PLCL1: variants seen among roughly 807,000 people sequenced by gnomAD.
The protein encoded by PLCL1 is phospholipase C like 1 (inactive).
Under a neutral mutation model 84.4 loss-of-function variants are expected in PLCL1, and 41 were observed. The observed-to-expected ratio is 0.49, with a 90% CI of 0.38 to 0.63. The LOEUF is 0.63. Among genes scored for constraint, PLCL1 ranks in the 30% least tolerant of loss-of-function variants. The probability of loss-of-function intolerance (pLI) is 0.00; values close to 1 mark genes in which losing one functional copy is unlikely to be tolerated. For synonymous variants in PLCL1, 490 were observed against 488.3 expected (o/e 1.00, Z -0.05); for missense variants, 1,206 against 1,367.8 (o/e 0.88, Z 1.87).
intron 1 of PLCL1, among the ~76,000 whole-genome samples, chr2:197,806,860 A>G (rs1690496879): frequency 6.6e-6 from 1 of 152,236 alleles, no homozygotes; most frequent in Admixed American, 6.5e-5. Flanking sequence ...TGTAAAAAAC[A>G]AAAGTAATGG....
intron 1 of PLCL1, among the ~76,000 whole-genome samples, chr2:197,821,316 GA>G (rs1207506522): frequency 6.6e-6 from 1 of 152,126 alleles, no homozygotes; most frequent in Non-Finnish European, 1.5e-5. Flanking sequence ...ATGAACTTCT[GA>G]GCTTTTGAAG....
intron 1 of PLCL1, among the ~76,000 whole-genome samples, chr2:197,866,758 T>A (rs1235391561): frequency 6.6e-6 from 1 of 152,172 alleles, no homozygotes; most frequent in Non-Finnish European, 1.5e-5. Flanking sequence ...GCTGATTTAT[T>A]AGATGCTTTT....
intron 5 of PLCL1, among the ~76,000 whole-genome samples, chr2:198,110,551 A>C (rs1489541898): frequency 1.3e-5 from 2 of 151,956 alleles, no homozygotes; most frequent in Non-Finnish European, 2.9e-5. Flanking sequence ...GTTGAGAGAC[A>C]AAAGAAAGGA....
At position 198,126,177 on chromosome 2, in the gene PLCL1, C is replaced by A. The variant is rs553468969; in HGVS notation, c.3106-20603C>A. 1.1e-3 allele frequency among the ~76,000 whole-genome samples: 175 copies of A among 152,238 alleles called. 1 individual carries two copies. The highest frequency in any genetic ancestry group is 4.2e-3 in the African/African-American group (175 of 41,566). On this transcript the variant is annotated intron_variant, in intron 5 of 5. Transcript: ENST00000428675. ...CTTACTCCTTCTGCTCCTAACATGG[C>A]CATCCCTCTGCAGTTCTCCAAATAT...
intron 1 of PLCL1, among the ~76,000 whole-genome samples, chr2:197,983,078 A>G (rs1465965794): frequency 6.7e-6 from 1 of 150,366 alleles, no homozygotes; most frequent in Non-Finnish European, 1.5e-5. Context: ...CTTCCCCTTT[A>G]TCCCTGTGTT....
At chr2:197,972,881 C>T (rs1007873267) in intron 1 of PLCL1, among the ~76,000 whole-genome samples, 9 of 152,156 alleles carry the variant, frequency 5.9e-5, no homozygotes, top group African/African-American at 2.2e-4. Context: ...CCCCATTGTC[C>T]CTTCCAGTTC....
chr2:197,819,402 A>G (rs1690762286), intron 1 of PLCL1, among the ~76,000 whole-genome samples: 1 of 152,148 alleles, frequency 6.6e-6, no homozygotes. Flanking sequence ...GATAATGGAA[A>G]CAGAATGAAA....
chr2:198,059,023 C>A (rs181778622), intron 1 of PLCL1, among the ~76,000 whole-genome samples: 1 of 152,212 alleles, frequency 6.6e-6, no homozygotes, highest in East Asian at 1.9e-4. Flanking sequence ...GCCTATAACC[C>A]CCAACAGGAA....
intron 1 of PLCL1, 149 bp from the exon 2 acceptor site, chr2:198,083,609 T>C (rs1692776817): frequency 7.0e-6 from 4 of 573,692 alleles, no homozygotes; most frequent in Non-Finnish European, 5.8e-6. Flanking sequence ...AATTTCTCTT[T>C]TCTGAAACAG....
chr2:198,043,732 T>G (rs1480041413), intron 1 of PLCL1, among the ~76,000 whole-genome samples: 1 of 151,824 alleles, frequency 6.6e-6, no homozygotes, highest in African/African-American at 2.4e-5. Flanking sequence ...AGAGAACAGG[T>G]TTGGTTGGGG....
At chr2:197,893,749 A>G (rs934058258) in intron 1 of PLCL1, among the ~76,000 whole-genome samples, 2 of 149,472 alleles carry the variant, frequency 1.3e-5, no homozygotes, top group African/African-American at 4.8e-5. Context: ...GCTACTTACC[A>G]TAGTGTTTAT....
At chr2:198,095,117 A>G (rs1166732199) in intron 3 of PLCL1, among the ~76,000 whole-genome samples, 5 of 152,224 alleles carry the variant, frequency 3.3e-5, no homozygotes, top group Non-Finnish European at 7.4e-5. Context: ...GTGCCATTTC[A>G]GTGGCCCTCT....
chr2:197,808,824 C>T (rs1417774343), intron 1 of PLCL1, among the ~76,000 whole-genome samples: 1 of 152,134 alleles, frequency 6.6e-6, no homozygotes, highest in Non-Finnish European at 1.5e-5. Flanking sequence ...GTATGTGACA[C>T]ATTGACGGGT....
intron 1 of PLCL1, among the ~76,000 whole-genome samples, chr2:197,964,080 T>C (rs1254156033): frequency 1.3e-5 from 2 of 152,144 alleles, no homozygotes; most frequent in African/African-American, 4.8e-5. Flanking sequence ...GCTTTGGCTA[T>C]GGTGTGTCTT....
chr2:198,125,479 T>C (rs1173305095), intron 5 of PLCL1, among the ~76,000 whole-genome samples: 1 of 152,158 alleles, frequency 6.6e-6, no homozygotes, highest in Admixed American at 6.6e-5. Context: ...AGTATAGCAA[T>C]GTTTGGACTT....
intron 1 of PLCL1, among the ~76,000 whole-genome samples, chr2:197,996,826 C>CTAG (rs1369680971): frequency 6.6e-6 from 1 of 152,088 alleles, no homozygotes; most frequent in Non-Finnish European, 1.5e-5. Context: ...TCTAAATTTA[C>CTAG]TAGTAAAGCA....
intron 1 of PLCL1, among the ~76,000 whole-genome samples, chr2:197,813,072 A>C (rs1490757429): frequency 6.6e-6 from 1 of 152,168 alleles, no homozygotes; most frequent in Non-Finnish European, 1.5e-5. Flanking sequence ...AAGGAGTCAG[A>C]GACATGGTCA....
At chr2:197,940,325 ATGAAG>A (rs1045282455) in intron 1 of PLCL1, among the ~76,000 whole-genome samples, 28 of 152,338 alleles carry the variant, frequency 1.8e-4, no homozygotes, top group African/African-American at 5.5e-4. Context: ...CAGAAAGCAA[ATGAAG>A]TGAAGAAACT....
intron 3 of PLCL1, among the ~76,000 whole-genome samples, chr2:198,096,206 A>G (rs1412795127): frequency 1.3e-5 from 2 of 152,190 alleles, no homozygotes; most frequent in East Asian, 3.8e-4. Flanking sequence ...CAGTGTTCAG[A>G]GAGTTGACCA....
Sources: gnomAD v4.1 joint callset for allele counts (sites outside exome capture counted in the v4.1 genomes callset) on GRCh38, gnomAD v4.1.1 for gene constraint, MANE v1.5 for transcripts, NCBI Gene and HGNC (gene_info 2026-07-23, HGNC 2026-07-21) for gene names.